The following ZFP82 variants were observed in gnomAD, a reference collection of about 807,000 sequenced individuals.
ZFP82 encodes zinc finger protein 82 homolog.
In ZFP82, 30 loss-of-function variants were observed where a neutral mutation model predicts 54.0. The observed-to-expected ratio is 0.56, with a 90% confidence interval of 0.42 to 0.75. The LOEUF (loss-of-function observed/expected upper bound fraction) is 0.75. Ranked by LOEUF, ZFP82 falls within the 30% of genes least tolerant of loss-of-function variation. The pLI, the probability that ZFP82 is intolerant of heterozygous loss-of-function variation, is 0.00. For missense variants in ZFP82, 500 were observed against 636.8 expected, an observed-to-expected ratio of 0.79 and a Z score of 2.31; for synonymous variants, 194 against 209.5, an observed-to-expected ratio of 0.93 and a Z score of 0.64.
At chr19:36,397,766 TTAG>T (rs1402891901) in intron 4 of ZFP82, among the ~76,000 whole-genome samples, 1 of 151,988 alleles carries the variant, frequency 6.6e-6, no homozygotes, top group Non-Finnish European at 1.5e-5. Context: ...TTTTGTACTT[TTAG>T]TAGAGACGGG....
chr19:36,397,137 G>T (rs1226033185), intron 4 of ZFP82, among the ~76,000 whole-genome samples: 1 of 147,604 alleles, frequency 6.8e-6, no homozygotes, highest in Non-Finnish European at 1.5e-5. Context: ...TTGTTGCCCA[G>T]GCTGGAGTGC....
chr19:36,384,785 G>A (rs1488586028), downstream of ZFP82, among the ~76,000 whole-genome samples: 1 of 152,128 alleles, frequency 6.6e-6, no homozygotes, highest in African/African-American at 2.4e-5. Flanking sequence ...ACTTAAAATA[G>A]TCTTCTTCAT....
intron 4 of ZFP82, among the ~76,000 whole-genome samples, chr19:36,396,953 A>G (rs1471188676): frequency 1.3e-5 from 2 of 152,188 alleles, no homozygotes; most frequent in Non-Finnish European, 2.9e-5. Context: ...ACAGCAATAA[A>G]AGTGAAAAAC....
At chr19:36,414,001 G>C (rs1026272041) in intron 1 of ZFP82, among the ~76,000 whole-genome samples, 3 of 150,798 alleles carry the variant, frequency 2.0e-5, no homozygotes, top group Middle Eastern at 3.4e-3. Context: ...CCCGGGTTCA[G>C]GCCAATCGTC....
At chr19:36,416,251 T>A (rs150956217) in intron 1 of ZFP82, among the ~76,000 whole-genome samples, 43 of 152,324 alleles carry the variant, frequency 2.8e-4, no homozygotes, top group African/African-American at 9.4e-4. Context: ...GTGTCTAACA[T>A]TGAAAAACAT....
intron 4 of ZFP82, 180 bp from the exon 5 acceptor site, chr19:36,394,290 A>G (rs2032259002): frequency 5.0e-6 from 3 of 596,552 alleles, no homozygotes. Context: ...GAGTTCATAC[A>G]AAATAGCAAG....
Position 36,393,210 on chromosome 19 carries a change from C to T in ZFP82, c.1130G>A (p.Arg377His), listed in dbSNP as rs1437761313. 5 of 1,613,086 alleles carry T rather than the reference C, an allele frequency of 3.1e-6. No homozygotes were observed. Among genetic ancestry groups the T allele is most frequent in the South Asian group, 2.2e-5 (2 of 91,020 alleles). ...GTGATGGAGAATAAGATGATAACCA[C>T]GGCTAAAGGTCTTTCCACATTCCTT... ...ECKECGKTFS[R>H]GYHLILHHRI... Residue 377 changes from arginine (R) to histidine (H), a missense_variant, in exon 5 of 5, where the codon CGT becomes CAT. Arg to His is a conservative substitution (Grantham distance 29). Coordinates refer to ENST00000392161, the MANE Select transcript of ZFP82 (RefSeq NM_133466.4).
At position 36,407,814 on chromosome 19, in the gene ZFP82, T is replaced by A. The variant is rs189890277; in HGVS notation, c.136+73A>T. 2.9e-4 allele frequency: 442 copies of A among 1,514,362 alleles called. No homozygotes were observed. In the African/African-American group the frequency reaches 5.5e-3, roughly 19 times the overall value. 93.8% of individuals were successfully genotyped at this position (1,514,362 alleles called of 1,614,324 possible). A position where few individuals can be genotyped will look rare whatever the true frequency, so the allele number is the denominator to read the frequency against. On this transcript the variant is annotated intron_variant, in intron 3 of 4. Transcript: ENST00000392161. ...ATTTAGATAGCTTCCTAAAAGATAC[T>A]CTTGAAATTTCCACAGGAAAAAGCT...
rs1397698492 is a variant in ZFP82 at position 36,392,023 on chromosome 19, G to C, written c.*718C>G. On this transcript the variant is annotated 3_prime_UTR_variant, in exon 5 of 5. Transcript: ENST00000392161. ...TTTGTGGGTCAGAAATTTGGGCCAGGGGCTCAGCTGGTCAATTCTTCCATT... is the reference window on the plus strand; with the variant it reads ...TTTGTGGGTCAGAAATTTGGGCCAGCGGCTCAGCTGGTCAATTCTTCCATT... 1 of 152,074 alleles carries C rather than the reference G, an allele frequency of 6.6e-6. No individual in the cohort carries two copies. The highest frequency in any genetic ancestry group is 2.4e-5 in the African/African-American group (1 of 41,382). The allele number at this position is 152,074 out of a possible 1,614,324, so 9.4% of individuals were successfully genotyped here.
chr19:36,418,177 C>T (rs2145605874), intron 1 of ZFP82, among the ~76,000 whole-genome samples: 2 of 152,120 alleles, frequency 1.3e-5, no homozygotes, highest in East Asian at 3.9e-4. Flanking sequence ...CTCGCTCTCC[C>T]AGAGCTCTGG....
chr19:36,394,357 G>C, intron 4 of ZFP82: 1 of 444,590 alleles, frequency 2.2e-6, no homozygotes, highest in Non-Finnish European at 4.0e-6. Context: ...GTGTGGATCA[G>C]AATCACCACA....
intron 4 of ZFP82, among the ~76,000 whole-genome samples, chr19:36,400,802 C>T (rs1289410500): frequency 1.2e-4 from 19 of 152,190 alleles, no homozygotes; most frequent in Admixed American, 1.2e-3. Flanking sequence ...ACTGACAACC[C>T]TATTTCCCAG....
At chr19:36,384,678 T>C (rs2145572658), downstream of ZFP82, among the ~76,000 whole-genome samples, 1 of 152,306 alleles carries the variant, frequency 6.6e-6, no homozygotes, top group Non-Finnish European at 1.5e-5. Context: ...AAATTTTGAG[T>C]AAAGGTACTG....
intron 4 of ZFP82, chr19:36,395,179 C>G (rs545374900): frequency 6.6e-6 from 1 of 152,336 alleles, no homozygotes; most frequent in South Asian, 2.1e-4. Flanking sequence ...TGCCCATTTG[C>G]CCCTTCACAT....
At chr19:36,407,074 CTTTTTTT>C (rs35808591) in intron 3 of ZFP82, among the ~76,000 whole-genome samples, 2 of 99,760 alleles carry the variant, frequency 2.0e-5, no homozygotes, top group African/African-American at 8.2e-5. Context: ...TTTTAATTTT[CTTTTTTT>C]TTTTTTTTTT....
chr19:36,408,057 G>A, intron 2 of ZFP82, 44 bp from the exon 3 acceptor site: 1 of 1,596,202 alleles, frequency 6.3e-7, no homozygotes, highest in Non-Finnish European at 8.6e-7. Flanking sequence ...GGAAGAAAAT[G>A]TATTTTAAGG....
rs1362928636 is a variant in ZFP82, at chr19:36,410,461, G to GTA, written c.-78-596_-78-595dup. Among the ~76,000 whole-genome samples, 19 of 151,760 alleles carry GTA rather than the reference G, an allele frequency of 1.3e-4. No homozygotes were observed. In the South Asian group the frequency reaches 1.7e-3, roughly 13 times the overall value. On this transcript the variant is annotated intron_variant, in intron 1 of 4. Coordinates refer to ENST00000392161, the MANE Select transcript of ZFP82 (RefSeq NM_133466.4). Reference sequence around the variant, plus strand: ...TGTGTGTGTGTGTGTATATGTGTGTGTATATATATATATTTTGTTGTTGTT... The same window carrying GTA: ...TGTGTGTGTGTGTGTATATGTGTGTGTATATATATATATATTTTGTTGTTGTT...
chr19:36,415,685 C>A (rs570089735), intron 1 of ZFP82, among the ~76,000 whole-genome samples: 1 of 152,124 alleles, frequency 6.6e-6, no homozygotes, highest in Non-Finnish European at 1.5e-5. Context: ...TGCGCCCAGC[C>A]AATTAAACTA....
rs2032201900 is a variant in ZFP82 at position 36,391,671 on chromosome 19, T to C, written c.*1070A>G. On this transcript the variant is annotated 3_prime_UTR_variant, in exon 5 of 5. Coordinates refer to ENST00000392161, the MANE Select transcript of ZFP82 (RefSeq NM_133466.4). ...TGGTAGAGACAGGGTCTCACCATGT[T>C]GCCCAGGCTGGTCTCGAACTTCTGG... is the stretch of plus-strand genomic sequence containing the variant. The C allele has an allele frequency of 6.6e-6, 1 of 152,294 alleles. No individual in the cohort carries two copies. Among genetic ancestry groups the C allele is most frequent in the Admixed American group, 6.5e-5 (1 of 15,278 alleles). 9.4% of individuals were successfully genotyped at this position (152,294 alleles called of 1,614,324 possible).
Sources: allele counts gnomAD v4.1 joint callset (sites outside exome capture counted in the v4.1 genomes callset), GRCh38; gene constraint gnomAD v4.1.1; transcripts MANE v1.5; gene names NCBI Gene and HGNC (gene_info 2026-07-23, HGNC 2026-07-21).